MGAT5: variants seen among roughly 807,000 people sequenced by gnomAD.
MGAT5 encodes alpha-1,6-mannosylglycoprotein 6-beta-N-acetylglucosaminyltransferase A.
Under a neutral mutation model 94.3 loss-of-function variants are expected in MGAT5, and 30 were observed. That is an observed-to-expected ratio of 0.32 (90% CI 0.24 to 0.43). The LOEUF is 0.43. MGAT5 is among the 20% of genes least tolerant of loss of function. MGAT5 has a pLI of 1.00. For missense variants in MGAT5, 691 were observed against 905.5 expected (o/e 0.76, Z 3.04); for synonymous variants, 310 against 322.9 (o/e 0.96, Z 0.43).
intron 2 of MGAT5, among the ~76,000 whole-genome samples, chr2:134,306,477 G>A (rs756070850): frequency 1.7e-4 from 26 of 152,054 alleles, no homozygotes; most frequent in Non-Finnish European, 2.8e-4. Context: ...AATTAGGGAC[G>A]GACAAGACAG....
At chr2:134,336,326 T>C (rs1688327943) in intron 5 of MGAT5, 38 bp downstream of exon 5, 1 of 1,534,948 alleles carries the variant, frequency 6.5e-7, no homozygotes, top group Non-Finnish European at 9.0e-7. Flanking sequence ...GACTTGTGCA[T>C]TTAGGTCAGA....
intron 1 of MGAT5, among the ~76,000 whole-genome samples, chr2:134,170,007 C>T (rs1688130886): frequency 6.6e-6 from 1 of 152,098 alleles, no homozygotes; most frequent in African/African-American, 2.4e-5. Context: ...TCATAAGTCA[C>T]CTGCCACCCA....
intron 1 of MGAT5, among the ~76,000 whole-genome samples, chr2:134,170,311 A>G (rs1163637395): frequency 6.6e-6 from 1 of 152,224 alleles, no homozygotes; most frequent in Non-Finnish European, 1.5e-5. Context: ...GCTGTCTCAG[A>G]CACATGCTAG....
intron 1 of MGAT5, among the ~76,000 whole-genome samples, chr2:134,258,618 T>TTGTG (rs59554396): frequency 4.0e-5 from 6 of 151,890 alleles, no homozygotes; most frequent in Admixed American, 1.3e-4. Flanking sequence ...CTACTGGATT[T>TTGTG]TGTGTGTGTG....
chr2:134,418,329 G>T (rs1313910471), intron 12 of MGAT5, among the ~76,000 whole-genome samples: 1 of 152,200 alleles, frequency 6.6e-6, no homozygotes, highest in Non-Finnish European at 1.5e-5. Context: ...GGTTCCTCCT[G>T]TCCCTTCAAC....
intron 14 of MGAT5, 100 bp downstream of exon 14, chr2:134,428,539 C>T (rs752018335): frequency 9.2e-7 from 1 of 1,088,484 alleles, no homozygotes; most frequent in Non-Finnish European, 1.4e-6. Flanking sequence ...GTTTCTGTGG[C>T]TATTTTCCTG....
intron 13 of MGAT5, among the ~76,000 whole-genome samples, chr2:134,426,808 A>G (rs1684615844): frequency 6.6e-6 from 1 of 152,202 alleles, no homozygotes; most frequent in Non-Finnish European, 1.5e-5. Context: ...CAAGGAACAA[A>G]CTGAGAACAT....
intron 1 of MGAT5, among the ~76,000 whole-genome samples, chr2:134,266,160 CA>C (rs371430614): frequency 2.8e-3 from 315 of 112,572 alleles, no homozygotes; most frequent in South Asian, 0.014. Flanking sequence ...GACTCCATCT[CA>C]AAAAAAAAAA....
intron 1 of MGAT5, among the ~76,000 whole-genome samples, chr2:134,248,686 ATGTGAATG>A (rs72364512): frequency 0.79 from 119,746 of 151,378 alleles, 47,646 homozygotes; most frequent in African/African-American, 0.87. Context: ...GCGCTGTCCT[ATGTGAATG>A]TGTGAATGTG....
intron 4 of MGAT5, among the ~76,000 whole-genome samples, chr2:134,328,103 C>T (rs1005005682): frequency 3.9e-5 from 6 of 151,982 alleles, no homozygotes; most frequent in African/African-American, 1.4e-4. Flanking sequence ...GGAAAATTGG[C>T]CTTTCTCCTC....
intron 9 of MGAT5, among the ~76,000 whole-genome samples, chr2:134,361,368 G>T (rs1452583684): frequency 6.6e-6 from 1 of 152,210 alleles, no homozygotes; most frequent in Non-Finnish European, 1.5e-5. Context: ...GGCTCTGCAG[G>T]CTCATCTCCT....
At chr2:134,311,707 A>G (rs563417735) in intron 2 of MGAT5, among the ~76,000 whole-genome samples, 5 of 152,240 alleles carry the variant, frequency 3.3e-5, no homozygotes, top group Admixed American at 1.3e-4. Context: ...TTGTAACCAT[A>G]TTTCCAGATC....
chr2:134,186,380 CTTT>C (rs201791165), intron 1 of MGAT5, among the ~76,000 whole-genome samples: 1 of 136,056 alleles, frequency 7.3e-6, no homozygotes, highest in Non-Finnish European at 1.6e-5. Flanking sequence ...GGAGTCGTTT[CTTT>C]TTTTTTTTTT....
chr2:134,338,950 A>G (rs1411679180), intron 6 of MGAT5, among the ~76,000 whole-genome samples: 1 of 152,126 alleles, frequency 6.6e-6, no homozygotes, highest in Non-Finnish European at 1.5e-5. Flanking sequence ...CCCTGGGCTT[A>G]GAAGACTTTA....
intron 1 of MGAT5, among the ~76,000 whole-genome samples, chr2:134,128,194 C>T (rs1176759971): frequency 6.8e-6 from 1 of 147,142 alleles, no homozygotes; most frequent in African/African-American, 2.6e-5. Flanking sequence ...CAAAGCAAGA[C>T]TCCTGCCTCT....
At chr2:134,336,559 A>G (rs542153895) in intron 5 of MGAT5, among the ~76,000 whole-genome samples, 1 of 152,228 alleles carries the variant, frequency 6.6e-6, no homozygotes, top group Non-Finnish European at 1.5e-5. Context: ...TAGTGATCTA[A>G]TAAGGCTGAT....
intron 1 of MGAT5, among the ~76,000 whole-genome samples, chr2:134,213,685 CAG>C (rs1415846490): frequency 1.3e-5 from 2 of 152,324 alleles, no homozygotes; most frequent in African/African-American, 4.8e-5. Flanking sequence ...TCACAAAACT[CAG>C]AAACATTTAC....
intron 1 of MGAT5, among the ~76,000 whole-genome samples, chr2:134,125,648 A>G (rs1251966355): frequency 6.6e-6 from 1 of 152,214 alleles, no homozygotes; most frequent in African/African-American, 2.4e-5. Flanking sequence ...CTTTGTTTAT[A>G]GCAATGATAC....
intron 1 of MGAT5, among the ~76,000 whole-genome samples, chr2:134,172,685 C>T (rs1688276854): frequency 6.6e-6 from 1 of 152,200 alleles, no homozygotes; most frequent in Admixed American, 6.5e-5. Flanking sequence ...CATGCCCAGC[C>T]AGTACTTCTT....
Sources: gnomAD v4.1 joint callset for allele counts (sites outside exome capture counted in the v4.1 genomes callset) on GRCh38, gnomAD v4.1.1 for gene constraint, MANE v1.5 for transcripts, NCBI Gene and HGNC (gene_info 2026-07-23, HGNC 2026-07-21) for gene names.